The following CAMKMT variants were observed in gnomAD, a reference collection of about 807,000 sequenced individuals.
The protein encoded by CAMKMT is calmodulin-lysine N-methyltransferase.
Under a neutral mutation model 48.0 loss-of-function variants are expected in CAMKMT, and 53 were observed. The ratio of observed to expected loss-of-function variants is 1.10; its 90% CI spans 0.89 to 1.39. The LOEUF (loss-of-function observed/expected upper bound fraction) is 1.39. Among genes scored for constraint, CAMKMT ranks in the 40% most tolerant of loss-of-function variants. The pLI is 0.00. For synonymous variants in CAMKMT, 165 were observed against 152.3 expected (o/e 1.08, Z -0.61); for missense variants, 428 against 402.7 (o/e 1.06, Z -0.54).
rs565159680 is a variant in CAMKMT, at chr2:44,715,976, A to G, written c.623+623A>G. Reference sequence around the variant, plus strand: ...TCTGTTAATTCTTATACAAACTAGGAGGAATGCTTGCTCTTAGCCACAACA... The same window carrying G: ...TCTGTTAATTCTTATACAAACTAGGGGGAATGCTTGCTCTTAGCCACAACA... On this transcript the variant is annotated intron_variant, in intron 7 of 10. Transcript: ENST00000378494. Among the ~76,000 whole-genome samples, 6 of 152,280 alleles carry G rather than the reference A, an allele frequency of 3.9e-5. No individual in the cohort carries two copies. The South Asian group carries it at 1.0e-3, about 26-fold the overall frequency.
intron 3 of CAMKMT, among the ~76,000 whole-genome samples, chr2:44,580,651 T>G (rs1365128474): frequency 6.6e-6 from 1 of 152,228 alleles, no homozygotes; most frequent in Non-Finnish European, 1.5e-5. Context: ...TTTCTTTTGA[T>G]GCTGTTTGTT....
rs1229130402 is a variant in CAMKMT, at chr2:44,754,216, G to A, written c.762+98G>A. The A allele has an allele frequency of 3.3e-6, 3 of 919,388 alleles. No homozygotes were observed. In the East Asian group the frequency reaches 7.3e-5, roughly 22 times the overall value. 57.0% of individuals were successfully genotyped at this position (919,388 alleles called of 1,614,324 possible). On this transcript the variant is annotated intron_variant, in intron 9 of 10. Coordinates refer to ENST00000378494, the MANE Select transcript of CAMKMT (RefSeq NM_024766.5). ...AATGGAATGGCAGGATTAATGTCAT[G>A]TAATACTTTAATACTTATTATGTCC...
chr2:44,655,958 G>A (rs1558774429), intron 3 of CAMKMT, among the ~76,000 whole-genome samples: 2 of 152,292 alleles, frequency 1.3e-5, no homozygotes, highest in East Asian at 3.9e-4. Flanking sequence ...ATTAAAAATA[G>A]GTCAGAAGGC....
At chr2:44,525,386 C>G (rs1160799738) in intron 3 of CAMKMT, among the ~76,000 whole-genome samples, 1 of 152,030 alleles carries the variant, frequency 6.6e-6, no homozygotes, top group African/African-American at 2.4e-5. Context: ...CTCCGAGTAG[C>G]TGGGACTACA....
intron 3 of CAMKMT, among the ~76,000 whole-genome samples, chr2:44,699,824 T>C (rs1191726630): frequency 2.0e-5 from 3 of 152,162 alleles, no homozygotes; most frequent in African/African-American, 7.2e-5. Context: ...GTGCAGAGCA[T>C]TGGCATCAAC....
At chr2:44,567,970 T>C (rs1321765442) in intron 3 of CAMKMT, among the ~76,000 whole-genome samples, 6 of 148,976 alleles carry the variant, frequency 4.0e-5, no homozygotes, top group Non-Finnish European at 7.4e-5. Context: ...AAGTAAGTAC[T>C]GGGGACCAAG....
intron 3 of CAMKMT, among the ~76,000 whole-genome samples, chr2:44,660,088 A>G (rs2104078498): frequency 6.6e-6 from 1 of 152,358 alleles, no homozygotes; most frequent in East Asian, 1.9e-4. Context: ...GTCTTAACAT[A>G]AATAACATAT....
intron 3 of CAMKMT, among the ~76,000 whole-genome samples, chr2:44,565,487 G>A (rs549068588): frequency 2.0e-5 from 3 of 152,162 alleles, no homozygotes; most frequent in South Asian, 4.2e-4. Context: ...TGAGGATTAC[G>A]TAATTTAATA....
At chr2:44,655,186 A>G (rs1674308340) in intron 3 of CAMKMT, among the ~76,000 whole-genome samples, 2 of 152,192 alleles carry the variant, frequency 1.3e-5, no homozygotes, top group Non-Finnish European at 2.9e-5. Flanking sequence ...TTAGAGACTT[A>G]GTACTTAATT....
At chr2:44,607,661 C>T (rs1671359876) in intron 3 of CAMKMT, among the ~76,000 whole-genome samples, 1 of 152,028 alleles carries the variant, frequency 6.6e-6, no homozygotes, top group Non-Finnish European at 1.5e-5. Flanking sequence ...CACTTGGTTA[C>T]AGTGATTTAA....
At chr2:44,502,758 C>T (rs530166613) in intron 3 of CAMKMT, among the ~76,000 whole-genome samples, 64 of 152,028 alleles carry the variant, frequency 4.2e-4, no homozygotes, top group Non-Finnish European at 7.8e-4. Flanking sequence ...TTTCAACTGT[C>T]CCTTAAGGAA....
chr2:44,437,109 T>C (rs939245117), intron 3 of CAMKMT, among the ~76,000 whole-genome samples: 12 of 152,196 alleles, frequency 7.9e-5, no homozygotes, highest in African/African-American at 2.9e-4. Flanking sequence ...ATTTTTCATA[T>C]TGCAGACTGT....
Position 44,668,025 on chromosome 2 carries a change from G to A in CAMKMT, c.377-36258G>A, listed in dbSNP as rs146257295. On this transcript the variant is annotated intron_variant, in intron 3 of 10. Coordinates refer to ENST00000378494, the MANE Select transcript of CAMKMT (RefSeq NM_024766.5). ...AGCCTGTCCCTGAGCAGCTGACTGT[G>A]GCAATCAACCATGCTGAGTGGCTTT... Among the ~76,000 whole-genome samples the A allele has an allele frequency of 5.5e-4, 84 of 152,270 alleles. No individual in the cohort carries two copies. In the East Asian group the frequency reaches 0.014, roughly 26 times the overall value.
rs529546689 is a variant in CAMKMT at position 44,737,261 on chromosome 2, A to T, written c.624-6361A>T. Among the ~76,000 whole-genome samples the T allele has an allele frequency of 4.6e-5, 7 of 152,166 alleles. No homozygotes were observed. In the South Asian group the frequency reaches 1.5e-3, roughly 32 times the overall value. On this transcript the variant is annotated intron_variant, in intron 7 of 10. Transcript: ENST00000378494. ...CCCCCAGGTAGCTGGGAACACAAGCATGCACCACCATGCTCATCTAATTTT... is the reference window on the plus strand; with the variant it reads ...CCCCCAGGTAGCTGGGAACACAAGCTTGCACCACCATGCTCATCTAATTTT...
intron 3 of CAMKMT, among the ~76,000 whole-genome samples, chr2:44,464,022 A>G (rs1667981846): frequency 6.6e-6 from 1 of 151,452 alleles, no homozygotes; most frequent in Non-Finnish European, 1.5e-5. Flanking sequence ...AGTTACCTGA[A>G]AAAGAATTTA....
At chr2:44,417,032 T>C (rs535867186) in intron 3 of CAMKMT, among the ~76,000 whole-genome samples, 1 of 152,174 alleles carries the variant, frequency 6.6e-6, no homozygotes, top group Non-Finnish European at 1.5e-5. Flanking sequence ...ATCCTGGGCT[T>C]AAGTGATCCT....
intron 4 of CAMKMT, chr2:44,705,643 C>A: frequency 1.9e-6 from 1 of 525,026 alleles, no homozygotes; most frequent in Non-Finnish European, 2.4e-6. Flanking sequence ...GGTTTGCTGG[C>A]TTAACCATAT....
At chr2:44,397,283 A>G (rs979125958) in intron 3 of CAMKMT, among the ~76,000 whole-genome samples, 7 of 152,142 alleles carry the variant, frequency 4.6e-5, no homozygotes, top group Admixed American at 3.3e-4. Context: ...TAGAAAATTT[A>G]TAAGTTGTGT....
At chr2:44,745,016 G>A (rs1378941719) in intron 8 of CAMKMT, among the ~76,000 whole-genome samples, 1 of 152,114 alleles carries the variant, frequency 6.6e-6, no homozygotes, top group Non-Finnish European at 1.5e-5. Flanking sequence ...CGTATGATTC[G>A]AGCAAGTAAT....
Sources: allele counts gnomAD v4.1 joint callset (sites outside exome capture counted in the v4.1 genomes callset), GRCh38; gene constraint gnomAD v4.1.1; transcripts MANE v1.5; gene names NCBI Gene and HGNC (gene_info 2026-07-23, HGNC 2026-07-21).